Variants in CPNE4 observed in about 807,000 individuals in gnomAD.
CPNE4 encodes copine 4.
Under a neutral mutation model 67.9 loss-of-function variants are expected in CPNE4, and 25 were observed. That is an observed-to-expected ratio of 0.37 (90% CI 0.27 to 0.51). CPNE4 has a LOEUF of 0.51. CPNE4 is among the 20% of genes least tolerant of loss of function. CPNE4 has a pLI of 0.93. For synonymous variants in CPNE4, 242 were observed against 244.9 expected (o/e 0.99, Z 0.11); for missense variants, 464 against 690.8 (o/e 0.67, Z 3.68).
chr3:131,763,469 C>A (rs1049412645), intron 2 of CPNE4, among the ~76,000 whole-genome samples: 2 of 152,040 alleles, frequency 1.3e-5, no homozygotes, highest in Admixed American at 6.6e-5. Flanking sequence ...GCAATATTAC[C>A]AGTTATCATT....
intron 1 of CPNE4, among the ~76,000 whole-genome samples, chr3:131,963,237 A>C (rs944256973): frequency 7.2e-5 from 11 of 152,056 alleles, no homozygotes; most frequent in African/African-American, 2.7e-4. Flanking sequence ...CATGGTTTTT[A>C]CAACCCACAG....
intron 1 of CPNE4, among the ~76,000 whole-genome samples, chr3:131,979,571 G>A (rs979086021): frequency 7.2e-5 from 11 of 152,072 alleles, no homozygotes; most frequent in African/African-American, 1.9e-4. Flanking sequence ...CTTATGTGAG[G>A]CCTTATATGT....
At chr3:132,004,552 A>G (rs1037941612) in intron 1 of CPNE4, among the ~76,000 whole-genome samples, 18 of 152,138 alleles carry the variant, frequency 1.2e-4, no homozygotes, top group South Asian at 4.1e-4. Context: ...TAACAATCTG[A>G]TGAAAAAGGT....
intron 15 of CPNE4, among the ~76,000 whole-genome samples, chr3:131,539,525 G>A (rs754853336): frequency 6.6e-6 from 1 of 152,230 alleles, no homozygotes; most frequent in Admixed American, 6.5e-5. Context: ...TAAATGTCTT[G>A]AGGTGTGGAT....
intron 1 of CPNE4, among the ~76,000 whole-genome samples, chr3:131,953,258 A>AAATAAT (rs2107896556): frequency 1.5e-5 from 2 of 136,278 alleles, no homozygotes; most frequent in African/African-American, 5.0e-5. Context: ...AAAAAAAAAA[A>AAATAAT]AAAAAAAAGA....
chr3:131,641,689 C>CA (rs1385307353), intron 7 of CPNE4, among the ~76,000 whole-genome samples: 1 of 152,000 alleles, frequency 6.6e-6, no homozygotes, highest in East Asian at 1.9e-4. Flanking sequence ...AGTCATTATA[C>CA]AAAAAAGATA....
intron 2 of CPNE4, among the ~76,000 whole-genome samples, chr3:131,767,720 G>A (rs2083058944): frequency 6.6e-6 from 1 of 152,080 alleles, no homozygotes; most frequent in Admixed American, 6.6e-5. Context: ...GAGCCAGAAA[G>A]ATTTCTTTTC....
intron 1 of CPNE4, among the ~76,000 whole-genome samples, chr3:132,001,595 G>GAAAGAA (rs2073447263): frequency 1.3e-5 from 2 of 148,676 alleles, no homozygotes; most frequent in African/African-American, 5.0e-5. Flanking sequence ...AAGAAAGAAA[G>GAAAGAA]AAAGAAAGAA....
intron 1 of CPNE4, among the ~76,000 whole-genome samples, chr3:131,955,493 C>G (rs1490290680): frequency 7.7e-6 from 1 of 129,704 alleles, no homozygotes; most frequent in African/African-American, 3.0e-5. Flanking sequence ...GTCTGACCTG[C>G]TGAATCTCCC....
intron 1 of CPNE4, among the ~76,000 whole-genome samples, chr3:131,986,310 A>G (rs147556382): frequency 5.4e-4 from 82 of 152,338 alleles, no homozygotes; most frequent in African/African-American, 1.9e-3. Context: ...AGCTACCAAC[A>G]TGATGTCATT....
intron 5 of CPNE4, among the ~76,000 whole-genome samples, chr3:131,694,502 T>C (rs886913198): frequency 2.0e-5 from 3 of 152,158 alleles, no homozygotes; most frequent in Admixed American, 6.6e-5. Flanking sequence ...CCTAACACGA[T>C]GTGGAGTCCT....
intron 2 of CPNE4, among the ~76,000 whole-genome samples, chr3:131,819,756 A>T (rs1279489637): frequency 6.6e-6 from 1 of 152,180 alleles, no homozygotes; most frequent in South Asian, 2.1e-4. Context: ...TTTTTAGGCT[A>T]AAACAATAGG....
intron 10 of CPNE4, among the ~76,000 whole-genome samples, chr3:131,566,206 G>T (rs1047430771): frequency 6.6e-6 from 1 of 151,814 alleles, no homozygotes; most frequent in African/African-American, 2.4e-5. Context: ...TTGCTAGGAG[G>T]CAACCATGGC....
At chr3:131,912,036 T>C (rs1252806222) in intron 1 of CPNE4, among the ~76,000 whole-genome samples, 1 of 152,158 alleles carries the variant, frequency 6.6e-6, no homozygotes, top group East Asian at 1.9e-4. Context: ...AGGATTAATA[T>C]AGCCCGATTA....
intron 1 of CPNE4, among the ~76,000 whole-genome samples, chr3:131,978,530 A>T (rs1184625967): frequency 1.4e-5 from 1 of 70,208 alleles, no homozygotes; most frequent in Non-Finnish European, 2.5e-5. Flanking sequence ...ATATAAATAT[A>T]AATATATATA....
rs1940398764 is a variant in CPNE4 at position 131,620,402 on chromosome 3, A to G, written c.682-32820T>C. ...TACGGTAAATCCTTTTACTTTTGGA[A>G]TAGTGAGCCATTTTCCTTGAGCTCT... On this transcript the variant is annotated intron_variant, in intron 7 of 15. Coordinates refer to ENST00000429747, the MANE Select transcript of CPNE4 (RefSeq NM_130808.3). The G allele has an allele frequency of 7.3e-6, 7 of 957,916 alleles. No homozygotes were observed. The South Asian group carries it at 3.4e-4, about 46-fold the overall frequency. The allele number at this position is 957,916 out of a possible 1,614,324, so 59.3% of individuals were successfully genotyped here.
At chr3:131,891,905 G>A (rs1418048886) in intron 2 of CPNE4, among the ~76,000 whole-genome samples, 3 of 152,054 alleles carry the variant, frequency 2.0e-5, no homozygotes, top group South Asian at 2.1e-4. Flanking sequence ...TCCACAAAAA[G>A]AGACAAAAAC....
chr3:131,788,821 T>C (rs2083633297), intron 2 of CPNE4, among the ~76,000 whole-genome samples: 2 of 152,056 alleles, frequency 1.3e-5, no homozygotes, highest in South Asian at 4.1e-4. Flanking sequence ...AAATATAAAC[T>C]GTGAATTTAA....
At position 131,657,509 on chromosome 3, in the gene CPNE4, C is replaced by T. The variant is rs536457373; in HGVS notation, c.681+12166G>A. Among the ~76,000 whole-genome samples the T allele has an allele frequency of 4.0e-5, 6 of 150,214 alleles. No homozygotes were observed. The South Asian group carries it at 8.4e-4, about 21-fold the overall frequency. On this transcript the variant is annotated intron_variant, in intron 7 of 15. Transcript: ENST00000429747. ...AGTCAGAGATCAGCTTTAATGAGTACATGAAAGCCTAGAATTATCTGTATT... is the reference window on the plus strand; with the variant it reads ...AGTCAGAGATCAGCTTTAATGAGTATATGAAAGCCTAGAATTATCTGTATT...
Sources: gnomAD v4.1 joint callset for allele counts (sites outside exome capture counted in the v4.1 genomes callset) on GRCh38, gnomAD v4.1.1 for gene constraint, MANE v1.5 for transcripts, NCBI Gene and HGNC (gene_info 2026-07-23, HGNC 2026-07-21) for gene names.